The following GABRG1 variants were observed in gnomAD, a reference collection of about 807,000 sequenced individuals.
The protein encoded by GABRG1 is gamma-aminobutyric acid type A receptor subunit gamma1.
GABRG1 carries 49 observed loss-of-function variants against 49.8 expected under a neutral mutation model. The observed-to-expected ratio is 0.98, with a 90% CI of 0.78 to 1.25. The LOEUF is 1.25. GABRG1 is among the 50% of genes most tolerant of loss of function. The pLI is 0.00. For synonymous variants in GABRG1, 232 were observed against 185.1 expected (o/e 1.25, Z -2.06); for missense variants, 552 against 552.3 (o/e 1.00, Z 0.01).
chr4:46,108,658 A>C (rs770002279), intron 1 of GABRG1, among the ~76,000 whole-genome samples: 2 of 150,770 alleles, frequency 1.3e-5, no homozygotes, highest in Non-Finnish European at 3.0e-5. Context: ...ATCTCTAGTG[A>C]CTAGAGAAGT....
intron 3 of GABRG1, among the ~76,000 whole-genome samples, chr4:46,071,572 TGTTATCAGATCAGA>T (rs1426031779): frequency 6.6e-6 from 1 of 151,708 alleles, no homozygotes; most frequent in Non-Finnish European, 1.5e-5. Flanking sequence ...GACGACGTAT[TGTTATCAGATCAGA>T]TGACAGCTTT....
chr4:46,070,005 A>G (rs1719058053), intron 3 of GABRG1, among the ~76,000 whole-genome samples: 1 of 151,956 alleles, frequency 6.6e-6, no homozygotes, highest in South Asian at 2.1e-4. Flanking sequence ...AGAGGCAGTA[A>G]AGGGCAGGGC....
At chr4:46,100,085 A>G (rs1720329656) in intron 1 of GABRG1, among the ~76,000 whole-genome samples, 1 of 151,810 alleles carries the variant, frequency 6.6e-6, no homozygotes, top group African/African-American at 2.4e-5. Flanking sequence ...ACATATTTTT[A>G]CTTACGTACA....
At chr4:46,049,773 T>C (rs1372420210) in intron 8 of GABRG1, among the ~76,000 whole-genome samples, 1 of 151,920 alleles carries the variant, frequency 6.6e-6, no homozygotes, top group Non-Finnish European at 1.5e-5. Flanking sequence ...CTTGAGTAAG[T>C]GTGCCATTGG....
At chr4:46,072,844 G>GT (rs894677911) in intron 3 of GABRG1, among the ~76,000 whole-genome samples, 1 of 151,930 alleles carries the variant, frequency 6.6e-6, no homozygotes, top group Non-Finnish European at 1.5e-5. Context: ...GTGTTTACCT[G>GT]TTTTTTAAAC....
rs187518696 is a variant in GABRG1, at chr4:46,096,964, C to T, written c.253+237G>A. ...AGTCTTAGGCAGTTTTATCAAAACT[C>T]GGTCAGATATTGTTGTAGCAGTTGG... On this transcript the variant is annotated intron_variant, in intron 2 of 8. Coordinates refer to ENST00000295452, the MANE Select transcript of GABRG1 (RefSeq NM_173536.4). 1.2e-4 allele frequency among the ~76,000 whole-genome samples: 18 copies of T among 151,724 alleles called. No homozygotes were observed. The East Asian group carries it at 3.3e-3, about 28-fold the overall frequency.
intron 4 of GABRG1, among the ~76,000 whole-genome samples, chr4:46,064,840 C>T (rs1407591415): frequency 6.6e-6 from 1 of 152,056 alleles, no homozygotes; most frequent in Admixed American, 6.6e-5. Context: ...AGCAGATTAA[C>T]AGATTATAAA....
At chr4:46,079,784 T>C (rs772777829) in intron 3 of GABRG1, among the ~76,000 whole-genome samples, 16 of 151,870 alleles carry the variant, frequency 1.1e-4, no homozygotes, top group Non-Finnish European at 2.1e-4. Context: ...TTGAGTGTTG[T>C]ACTTGCCAGT....
chr4:46,097,392 C>T (rs374693940), intron 1 of GABRG1, 43 bp from the exon 2 acceptor site: 2 of 1,552,686 alleles, frequency 1.3e-6, no homozygotes, highest in Non-Finnish European at 1.7e-6. Flanking sequence ...AAGGTTCAAT[C>T]AAATCATGTA....
At chr4:46,099,109 T>A (rs1192002824) in intron 1 of GABRG1, among the ~76,000 whole-genome samples, 1 of 151,756 alleles carries the variant, frequency 6.6e-6, no homozygotes, top group Non-Finnish European at 1.5e-5. Context: ...ATTAACAATG[T>A]TTCTCCTCTT....
chr4:46,065,607 A>G (rs1170435207), intron 3 of GABRG1, 23 bp from the exon 4 acceptor site: 6 of 1,040,372 alleles, frequency 5.8e-6, no homozygotes, highest in Non-Finnish European at 8.7e-6. Context: ...AAGAGTAACA[A>G]CATATTAGTA....
intron 1 of GABRG1, among the ~76,000 whole-genome samples, chr4:46,099,271 G>T (rs1720297954): frequency 6.6e-6 from 1 of 151,616 alleles, no homozygotes; most frequent in African/African-American, 2.4e-5. Flanking sequence ...TAACTGACAT[G>T]CATCACTACC....
At chr4:46,066,710 ATGATTAGATATTATCTACCTTTGTATCC>A (rs1394273980) in intron 3 of GABRG1, among the ~76,000 whole-genome samples, 1 of 152,066 alleles carries the variant, frequency 6.6e-6, no homozygotes, top group East Asian at 1.9e-4. Flanking sequence ...TCAAGAGTAG[ATGATTAGATATTATCTACCTTTGTATCC>A]TGACAAAATG....
chr4:46,105,791 T>TGATAGATAGATAGATA (rs10660132), intron 1 of GABRG1, among the ~76,000 whole-genome samples: 196 of 144,660 alleles, frequency 1.4e-3, no homozygotes, highest in Non-Finnish European at 1.5e-3. Context: ...GGTAGATAGA[T>TGATAGATAGATAGATA]GATAGATAGA....
chr4:46,090,565 T>C (rs1222821856), intron 2 of GABRG1, among the ~76,000 whole-genome samples: 1 of 151,942 alleles, frequency 6.6e-6, no homozygotes, highest in Non-Finnish European at 1.5e-5. Flanking sequence ...ATAATAATAG[T>C]AAAGTATAAG....
intron 1 of GABRG1, among the ~76,000 whole-genome samples, chr4:46,107,493 T>G (rs564514468): frequency 7.3e-5 from 11 of 151,064 alleles, no homozygotes; most frequent in African/African-American, 2.7e-4. Flanking sequence ...TTTCCTTTCC[T>G]TCTCTTCTTC....
At chr4:46,086,519 A>T (rs1465836786) in intron 2 of GABRG1, among the ~76,000 whole-genome samples, 4 of 151,554 alleles carry the variant, frequency 2.6e-5, no homozygotes, top group Admixed American at 6.6e-5. Context: ...TGTATATTAA[A>T]ATTAATTTAG....
intron 1 of GABRG1, among the ~76,000 whole-genome samples, chr4:46,118,535 C>T (rs1248428421): frequency 6.6e-6 from 1 of 151,036 alleles, no homozygotes; most frequent in Non-Finnish European, 1.5e-5. Context: ...TTTCTGTATC[C>T]TGTTCATCTA....
chr4:46,045,867 T>G, intron 8 of GABRG1, among the ~76,000 whole-genome samples: 1 of 151,926 alleles, frequency 6.6e-6, no homozygotes, highest in East Asian at 1.9e-4. Flanking sequence ...ACCAGGTCAA[T>G]AACTATTAAT....
Sources: allele counts gnomAD v4.1 joint callset (sites outside exome capture counted in the v4.1 genomes callset), GRCh38; gene constraint gnomAD v4.1.1; transcripts MANE v1.5; gene names NCBI Gene and HGNC (gene_info 2026-07-23, HGNC 2026-07-21).